The following RABGAP1L variants were observed in gnomAD, a reference collection of about 807,000 sequenced individuals.
The protein encoded by RABGAP1L is rab GTPase-activating protein 1-like.
RABGAP1L carries 63 observed loss-of-function variants against 137.7 expected under a neutral mutation model. That is an observed-to-expected ratio of 0.46 (90% confidence interval 0.37 to 0.56). RABGAP1L has a LOEUF of 0.56. Among genes scored for constraint, RABGAP1L ranks in the 20% least tolerant of loss-of-function variants. The probability of loss-of-function intolerance (pLI) is 0.00; values close to 1 mark genes in which losing one functional copy is unlikely to be tolerated. For synonymous variants in RABGAP1L, 431 were observed against 433.7 expected (o/e 0.99, Z 0.08); for missense variants, 1,095 against 1,244.0 (o/e 0.88, Z 1.80).
chr1:174,608,593 A>T (rs1328183101), intron 13 of RABGAP1L, among the ~76,000 whole-genome samples: 1 of 152,208 alleles, frequency 6.6e-6, no homozygotes, highest in Non-Finnish European at 1.5e-5. Context: ...GATCATTCAG[A>T]CAGAGGAAAT....
chr1:174,789,120 C>T (rs1573203246), intron 18 of RABGAP1L, among the ~76,000 whole-genome samples: 1 of 152,284 alleles, frequency 6.6e-6, no homozygotes, highest in East Asian at 1.9e-4. Flanking sequence ...TTATGATATC[C>T]TTATTTTTAA....
chr1:174,278,693 G>A lies in RABGAP1L; in HGVS notation c.1237G>A (p.Val413Ile), dbSNP rs1281432880. ...GCCTGTTCGCTTTCTCCTGGAGACA[G>A]TAGTCCGTGTGTACCCTGCAAATGA... ...VEPVRFLLET[V>I]VRVYPANERF... is the part of the protein sequence containing the mutation. Residue 413 changes from valine (V) to isoleucine (I), a missense_variant, in exon 10 of 26, where the codon GTA becomes ATA. Physicochemically the swap from Val to Ile is conservative, Grantham distance 29. Around this residue, in one of 4 missense-constraint regions of RABGAP1L, gnomAD observed 315 missense variants for 324.8 expected, o/e 0.97. Coordinates refer to ENST00000681986, the MANE Select transcript of RABGAP1L (RefSeq NM_001366446.1). 6.2e-7 allele frequency: 1 copy of A among 1,611,486 alleles called. No homozygotes were observed. The highest frequency in any genetic ancestry group is 8.5e-7 in the Non-Finnish European group (1 of 1,179,124).
intron 13 of RABGAP1L, among the ~76,000 whole-genome samples, chr1:174,413,913 C>G (rs1021329361): frequency 3.4e-5 from 5 of 148,384 alleles, no homozygotes; most frequent in Non-Finnish European, 7.4e-5. Context: ...TGGTCGAGCT[C>G]CCTGCTTAAC....
intron 19 of RABGAP1L, 96 bp from the exon 20 acceptor site, chr1:174,957,361 C>T: frequency 1.1e-6 from 1 of 934,928 alleles, no homozygotes; most frequent in Non-Finnish European, 1.7e-6. Context: ...TGAGCATGTT[C>T]CCTTAGAATG....
chr1:174,196,110 G>A (rs1244481522), intron 1 of RABGAP1L, among the ~76,000 whole-genome samples: 3 of 151,496 alleles, frequency 2.0e-5, no homozygotes, highest in Non-Finnish European at 4.4e-5. Flanking sequence ...GAGCCACCAC[G>A]CCTGGGCTGT....
chr1:174,784,477 G>C (rs561581258), intron 18 of RABGAP1L, among the ~76,000 whole-genome samples: 1 of 151,998 alleles, frequency 6.6e-6, no homozygotes, highest in Admixed American at 6.6e-5. Flanking sequence ...CCTATATTGT[G>C]GTGGGAGGTG....
intron 13 of RABGAP1L, among the ~76,000 whole-genome samples, chr1:174,522,413 C>G (rs1439493914): frequency 2.6e-5 from 4 of 151,942 alleles, no homozygotes; most frequent in African/African-American, 9.7e-5. Context: ...CCCATCTCTA[C>G]AAAAACTTAG....
At chr1:174,386,846 T>G (rs2149064355) in intron 12 of RABGAP1L, among the ~76,000 whole-genome samples, 1 of 152,178 alleles carries the variant, frequency 6.6e-6, no homozygotes, top group Non-Finnish European at 1.5e-5. Context: ...TTCTAGTGAG[T>G]AAGTGAATAA....
chr1:174,396,008 T>G (rs773275041), intron 13 of RABGAP1L, among the ~76,000 whole-genome samples: 1 of 152,140 alleles, frequency 6.6e-6, no homozygotes, highest in Non-Finnish European at 1.5e-5. Context: ...ATCAAAAAAC[T>G]GATGCAGAAA....
intron 13 of RABGAP1L, among the ~76,000 whole-genome samples, chr1:174,520,324 G>A (rs1663253026): frequency 6.6e-6 from 1 of 152,192 alleles, no homozygotes; most frequent in Non-Finnish European, 1.5e-5. Flanking sequence ...TCAAAGTAAA[G>A]ACTTCAGGCC....
intron 14 of RABGAP1L, among the ~76,000 whole-genome samples, chr1:174,662,121 T>TTGGGGTTG (rs59243192): frequency 7.4e-6 from 1 of 135,224 alleles, no homozygotes; most frequent in African/African-American, 3.0e-5. Flanking sequence ...TTTTTTTTTT[T>TTGGGGTTG]GAGTTGGAGT....
intron 14 of RABGAP1L, among the ~76,000 whole-genome samples, chr1:174,681,719 G>C (rs1446450578): frequency 6.6e-6 from 1 of 151,190 alleles, no homozygotes; most frequent in Non-Finnish European, 1.5e-5. Flanking sequence ...TTATGTTTTT[G>C]AGTAAAAGGG....
At chr1:174,785,941 G>A (rs1687418923) in intron 18 of RABGAP1L, among the ~76,000 whole-genome samples, 1 of 152,076 alleles carries the variant, frequency 6.6e-6, no homozygotes, top group East Asian at 1.9e-4. Context: ...TGATAGGAAA[G>A]AAATAGTAAA....
intron 1 of RABGAP1L, among the ~76,000 whole-genome samples, chr1:174,197,656 G>C (rs1345013077): frequency 6.6e-6 from 1 of 151,962 alleles, no homozygotes; most frequent in African/African-American, 2.4e-5. Context: ...AAAATTAGCC[G>C]GGCATTGGTT....
chr1:174,880,073 A>G (rs1017284626), intron 19 of RABGAP1L, among the ~76,000 whole-genome samples: 1 of 144,212 alleles, frequency 6.9e-6, no homozygotes, highest in African/African-American at 3.0e-5. Context: ...TCAAAAAAAA[A>G]AAAAGGAAAA....
intron 13 of RABGAP1L, among the ~76,000 whole-genome samples, chr1:174,615,776 G>A (rs1270937913): frequency 6.6e-6 from 1 of 152,208 alleles, no homozygotes; most frequent in Non-Finnish European, 1.5e-5. Context: ...GCAAGCCTGG[G>A]CAATGGTGGG....
At chr1:174,478,391 C>G (rs1445404843) in intron 13 of RABGAP1L, among the ~76,000 whole-genome samples, 1 of 151,840 alleles carries the variant, frequency 6.6e-6, no homozygotes. Context: ...CTGCCTTAGT[C>G]TCCTTAGTAG....
chr1:174,690,881 G>A (rs151156160), intron 15 of RABGAP1L, among the ~76,000 whole-genome samples: 27 of 139,562 alleles, frequency 1.9e-4, no homozygotes, highest in African/African-American at 7.1e-4. Flanking sequence ...GACCCAGGCT[G>A]GAGTACAGTG....
intron 13 of RABGAP1L, among the ~76,000 whole-genome samples, chr1:174,419,247 G>C (rs1310401161): frequency 2.0e-5 from 3 of 152,170 alleles, no homozygotes; most frequent in Non-Finnish European, 4.4e-5. Context: ...CAAACCACCT[G>C]CGGATCTTGT....
Sources: gnomAD v4.1 joint callset for allele counts (sites outside exome capture counted in the v4.1 genomes callset) on GRCh38, gnomAD v4.1.1 for gene constraint, gnomAD v4.1.1 regional missense constraint, MANE v1.5 for transcripts, NCBI Gene and HGNC (gene_info 2026-07-23, HGNC 2026-07-21) for gene names.